Variants in DLG2 observed in about 807,000 individuals in gnomAD.
The protein encoded by DLG2 is discs large MAGUK scaffold protein 2, also known as disks large homolog 2.
In DLG2, 45 loss-of-function variants were observed where a neutral mutation model predicts 132.5. That is an observed-to-expected ratio of 0.34 (90% confidence interval 0.27 to 0.44). DLG2 has a LOEUF of 0.44. Among genes scored for constraint, DLG2 ranks in the 20% least tolerant of loss-of-function variants. The pLI, the probability that DLG2 is intolerant of heterozygous loss-of-function variation, is 1.00. For missense variants in DLG2, 1,045 were observed against 1,196.9 expected, an observed-to-expected ratio of 0.87 and a Z score of 1.87; for synonymous variants, 424 against 419.6, an observed-to-expected ratio of 1.01 and a Z score of -0.13.
At chr11:85,320,640 A>G (rs543633258) in intron 3 of DLG2, among the ~76,000 whole-genome samples, 1 of 152,132 alleles carries the variant, frequency 6.6e-6, no homozygotes, top group East Asian at 1.9e-4. Flanking sequence ...AGTGAGAAAG[A>G]TTACTTTATA....
At chr11:83,946,055 T>A (rs1490801931) in intron 14 of DLG2, among the ~76,000 whole-genome samples, 1 of 143,704 alleles carries the variant, frequency 7.0e-6, no homozygotes, top group South Asian at 2.4e-4. Flanking sequence ...AATGGCACAA[T>A]CAAGGCTCAC....
chr11:85,098,967 C>G (rs1458911497), intron 6 of DLG2, among the ~76,000 whole-genome samples: 1 of 152,144 alleles, frequency 6.6e-6, no homozygotes, highest in Non-Finnish European at 1.5e-5. Context: ...GTTGCTGAAG[C>G]AAGGGAGTCA....
intron 6 of DLG2, among the ~76,000 whole-genome samples, chr11:84,665,077 G>C (rs890849441): frequency 1.3e-5 from 2 of 152,090 alleles, no homozygotes; most frequent in Non-Finnish European, 2.9e-5. Flanking sequence ...GGGAAGGCAA[G>C]GAAGCAGAGC....
rs2087421862 is a variant in DLG2 at position 85,396,786 on chromosome 11, C to T, written c.41-111421G>A. Among the ~76,000 whole-genome samples, 4 of 152,156 alleles carry T rather than the reference C, an allele frequency of 2.6e-5. No individual in the cohort carries two copies. In the South Asian group the frequency reaches 8.3e-4, roughly 32 times the overall value. On this transcript the variant is annotated intron_variant, in intron 3 of 27. Coordinates refer to ENST00000376104, the MANE Select transcript of DLG2 (RefSeq NM_001142699.3). ...AGAAATATGGGACTACGTGAAAAGA[C>T]CAAATATATGTTTGATTGGTGTACT...
intron 6 of DLG2, among the ~76,000 whole-genome samples, chr11:84,894,721 T>C (rs923211362): frequency 1.3e-5 from 2 of 152,292 alleles, no homozygotes; most frequent in African/African-American, 2.4e-5. Flanking sequence ...CTATATCACA[T>C]GGATCAGGCA....
At chr11:84,815,771 A>G (rs1346487351) in intron 6 of DLG2, among the ~76,000 whole-genome samples, 1 of 152,036 alleles carries the variant, frequency 6.6e-6, no homozygotes, top group Non-Finnish European at 1.5e-5. Flanking sequence ...GCTCACATCT[A>G]TTAACTGGGA....
chr11:84,948,591 A>C (rs1474429795), intron 6 of DLG2, among the ~76,000 whole-genome samples: 1 of 152,234 alleles, frequency 6.6e-6, no homozygotes, highest in Non-Finnish European at 1.5e-5. Context: ...GAAGAACAGC[A>C]CATTTTATCA....
intron 6 of DLG2, among the ~76,000 whole-genome samples, chr11:84,821,064 A>G (rs1254858740): frequency 4.6e-5 from 7 of 151,940 alleles, no homozygotes; most frequent in Non-Finnish European, 7.4e-5. Flanking sequence ...GGAAATGCAG[A>G]AAAAAATCAA....
chr11:85,399,753 C>T (rs373043290), intron 3 of DLG2, among the ~76,000 whole-genome samples: 51 of 152,148 alleles, frequency 3.4e-4, no homozygotes, highest in South Asian at 2.5e-3. Context: ...ACTGGATCCC[C>T]TCCTTACACC....
At chr11:84,866,168 G>A (rs1034346418) in intron 6 of DLG2, among the ~76,000 whole-genome samples, 2 of 151,246 alleles carry the variant, frequency 1.3e-5, no homozygotes, top group Non-Finnish European at 2.9e-5. Context: ...TCTATTCTGT[G>A]CTCCTTCTGT....
chr11:85,625,668 A>C (rs758402980), intron 2 of DLG2, among the ~76,000 whole-genome samples: 1 of 152,224 alleles, frequency 6.6e-6, no homozygotes, highest in Non-Finnish European at 1.5e-5. Context: ...CTTTAGTTTC[A>C]GATTGTAGCA....
rs969564179 is a variant in DLG2, at chr11:83,630,984, C to G, written c.1940+2227G>C. 3.7e-4 allele frequency among the ~76,000 whole-genome samples: 56 copies of G among 152,102 alleles called. 1 individual carries two copies. Among genetic ancestry groups the G allele is most frequent in the African/African-American group, 1.3e-3 (55 of 41,424 alleles). On this transcript the variant is annotated intron_variant, in intron 19 of 27. Coordinates refer to ENST00000376104, the MANE Select transcript of DLG2 (RefSeq NM_001142699.3). ...AGAGAAACCCTGCTAGTAATTTATT[C>G]TGAGAGAGCAAGTAGTTGACTTTCT...
chr11:84,658,590 T>G (rs1308891414), intron 6 of DLG2, among the ~76,000 whole-genome samples: 1 of 152,140 alleles, frequency 6.6e-6, no homozygotes. Flanking sequence ...AGATTCCTCA[T>G]GAATGATTTG....
chr11:83,973,332 A>G (rs1173549604), intron 12 of DLG2, among the ~76,000 whole-genome samples: 1 of 152,146 alleles, frequency 6.6e-6, no homozygotes, highest in Admixed American at 6.6e-5. Context: ...AGCAAAATAA[A>G]AAAGAGTGCA....
At chr11:85,206,644 G>A (rs996728922) in intron 4 of DLG2, among the ~76,000 whole-genome samples, 12 of 152,166 alleles carry the variant, frequency 7.9e-5, no homozygotes, top group Admixed American at 2.6e-4. Context: ...TAATGAAGTC[G>A]ATTCTACTCT....
At chr11:84,594,533 A>G (rs1000412130) in intron 6 of DLG2, among the ~76,000 whole-genome samples, 1 of 152,246 alleles carries the variant, frequency 6.6e-6, no homozygotes, top group Non-Finnish European at 1.5e-5. Context: ...AGCATGAGAA[A>G]ACAACAATGA....
intron 6 of DLG2, among the ~76,000 whole-genome samples, chr11:85,041,631 T>C (rs1396436883): frequency 6.6e-6 from 1 of 151,896 alleles, no homozygotes. Flanking sequence ...TGGAAATACA[T>C]GGTTTCAATA....
chr11:84,631,050 A>G, intron 6 of DLG2, among the ~76,000 whole-genome samples: 1 of 148,928 alleles, frequency 6.7e-6, no homozygotes, highest in Admixed American at 6.7e-5. Flanking sequence ...ACACACACAC[A>G]CACACACAGA....
At chr11:85,566,401 C>A (rs987591103) in intron 3 of DLG2, among the ~76,000 whole-genome samples, 3 of 151,978 alleles carry the variant, frequency 2.0e-5, no homozygotes, top group Non-Finnish European at 4.4e-5. Flanking sequence ...ATGGCCTTAT[C>A]CAAAGTCATG....
Sources: allele counts gnomAD v4.1 joint callset (sites outside exome capture counted in the v4.1 genomes callset), GRCh38; gene constraint gnomAD v4.1.1; transcripts MANE v1.5; gene names NCBI Gene and HGNC (gene_info 2026-07-23, HGNC 2026-07-21).